POM121C: variants seen among roughly 807,000 people sequenced by gnomAD.
The protein encoded by POM121C is nuclear envelope pore membrane protein POM 121C.
Under a neutral mutation model 66.4 loss-of-function variants are expected in POM121C, and 20 were observed. That is an observed-to-expected ratio of 0.30 (90% CI 0.21 to 0.44). POM121C has a LOEUF of 0.44. Ranked by LOEUF, POM121C falls within the 20% of genes least tolerant of loss-of-function variation. POM121C has a pLI of 1.00. For missense variants in POM121C, 580 were observed against 1,225.7 expected (o/e 0.47, Z 7.87); for synonymous variants, 286 against 528.0 (o/e 0.54, Z 6.28).
At chr7:75,467,531 C>CAAAAA (rs58341825) in intron 3 of POM121C, among the ~76,000 whole-genome samples, 4 of 65,346 alleles carry the variant, frequency 6.1e-5, no homozygotes, top group East Asian at 8.4e-4. Context: ...GATTCTGTCT[C>CAAAAA]AAAAAAAAAA....
At chr7:75,460,874 T>C (rs2116479557) in intron 3 of POM121C, among the ~76,000 whole-genome samples, 1 of 152,240 alleles carries the variant, frequency 6.6e-6, no homozygotes, top group African/African-American at 2.4e-5. Flanking sequence ...CCTTGGTTTA[T>C]TTGGCCCTCT....
intron 3 of POM121C, among the ~76,000 whole-genome samples, chr7:75,460,968 G>C (rs1428977013): frequency 6.6e-6 from 1 of 152,106 alleles, no homozygotes; most frequent in Non-Finnish European, 1.5e-5. Flanking sequence ...CCCATTTAAA[G>C]CCATCTATTT....
At chr7:75,478,961 A>C (rs1295018741) in intron 1 of POM121C, among the ~76,000 whole-genome samples, 9 of 147,552 alleles carry the variant, frequency 6.1e-5, no homozygotes, top group Non-Finnish European at 7.4e-5. Flanking sequence ...AAATTGTCCA[A>C]AACTAGTGAT....
chr7:75,468,453 G>C (rs1554478174), intron 3 of POM121C, among the ~76,000 whole-genome samples: 1 of 151,542 alleles, frequency 6.6e-6, no homozygotes, highest in African/African-American at 2.4e-5. Flanking sequence ...GAGTACCTGG[G>C]ATTACATGCG....
intron 3 of POM121C, chr7:75,442,035 A>T (rs1162584823): frequency 2.3e-5 from 25 of 1,104,974 alleles, no homozygotes; most frequent in Non-Finnish European, 2.9e-5. Flanking sequence ...GCAAAACCAC[A>T]CACAATTCCC....
At chr7:75,429,741 G>A (rs1554472126) in intron 7 of POM121C, among the ~76,000 whole-genome samples, 3 of 152,160 alleles carry the variant, frequency 2.0e-5, no homozygotes, top group Non-Finnish European at 4.4e-5. Flanking sequence ...GGTGGGACAT[G>A]GTGGTTCATG....
chr7:75,469,334 G>C (rs1349808691), intron 3 of POM121C, among the ~76,000 whole-genome samples: 1 of 152,154 alleles, frequency 6.6e-6, no homozygotes, highest in African/African-American at 2.4e-5. Flanking sequence ...CTGGGCTCAA[G>C]TGATCCTCCT....
At chr7:75,465,775 C>T (rs1484594277) in intron 3 of POM121C, among the ~76,000 whole-genome samples, 4 of 149,762 alleles carry the variant, frequency 2.7e-5, no homozygotes, top group African/African-American at 9.8e-5. Flanking sequence ...AAAAATTAGC[C>T]TGAGTCCTAG....
intron 11 of POM121C, 47 bp downstream of exon 11, chr7:75,424,479 A>G: frequency 6.3e-7 from 1 of 1,592,624 alleles, no homozygotes; most frequent in Non-Finnish European, 8.6e-7. Flanking sequence ...ACCAAAGAAA[A>G]CAGACACCTG....
At chr7:75,461,854 A>G (rs1290365870) in intron 3 of POM121C, among the ~76,000 whole-genome samples, 3 of 151,832 alleles carry the variant, frequency 2.0e-5, no homozygotes, top group Admixed American at 2.0e-4. Flanking sequence ...TAAATAATTC[A>G]TGGGTCAAAG....
At chr7:75,443,344 C>T (rs1268228873) in intron 3 of POM121C, among the ~76,000 whole-genome samples, 15 of 150,900 alleles carry the variant, frequency 9.9e-5, no homozygotes, top group Admixed American at 9.2e-4. Flanking sequence ...TAGGCTTTCT[C>T]GTAGCAGCAT....
intron 7 of POM121C, among the ~76,000 whole-genome samples, chr7:75,435,267 T>C (rs1790359856): frequency 6.6e-6 from 1 of 152,198 alleles, no homozygotes; most frequent in Non-Finnish European, 1.5e-5. Flanking sequence ...CTGTCTATTA[T>C]GTGAAAAAGC....
chr7:75,458,578 G>T (rs7790883), intron 3 of POM121C, among the ~76,000 whole-genome samples: 9,652 of 151,224 alleles, frequency 0.064, 69 homozygotes, highest in African/African-American at 0.22. Flanking sequence ...GCACAAAGGT[G>T]GGGGAGGCCA....
At chr7:75,460,399 G>C (rs1387817448) in intron 3 of POM121C, among the ~76,000 whole-genome samples, 1 of 151,990 alleles carries the variant, frequency 6.6e-6, no homozygotes, top group African/African-American at 2.4e-5. Context: ...CTACTCGGGA[G>C]GCTGAGGTGA....
chr7:75,457,826 A>T (rs1791291901), intron 3 of POM121C, among the ~76,000 whole-genome samples: 1 of 152,262 alleles, frequency 6.6e-6, no homozygotes, highest in Non-Finnish European at 1.5e-5. Context: ...CATTTCTGTT[A>T]CATTCGGATT....
At chr7:75,432,627 C>T (rs1790227030) in intron 7 of POM121C, among the ~76,000 whole-genome samples, 1 of 152,116 alleles carries the variant, frequency 6.6e-6, no homozygotes, top group South Asian at 2.1e-4. Flanking sequence ...ATTTGTTTTT[C>T]TGTGTATTAT....
Position 75,485,893 on chromosome 7 carries a change from C to T in POM121C, c.-487G>A, listed in dbSNP as rs1419577713. On this transcript the variant is annotated 5_prime_UTR_variant, in exon 1 of 15. It adds an upstream start codon to the 5' untranslated region. Coordinates refer to ENST00000615331, the MANE Select transcript of POM121C (RefSeq NM_001099415.3). ...CTGGGGCTCCGCAGCCTCTGCCCCA[C>T]GGCTCCCGAGAGGCCGGGGCGGGCT... 6.0e-6 allele frequency: 3 copies of T among 503,532 alleles called. No individual in the cohort carries two copies. Among genetic ancestry groups the T allele is most frequent in the Non-Finnish European group, 1.2e-5 (3 of 255,378 alleles). The allele number at this position is 503,532 out of a possible 1,614,324, so 31.2% of individuals were successfully genotyped here.
intron 3 of POM121C, among the ~76,000 whole-genome samples, chr7:75,472,042 C>T (rs1195614967): frequency 1.3e-5 from 2 of 151,872 alleles, no homozygotes; most frequent in Non-Finnish European, 2.9e-5. Context: ...CCCACCACCA[C>T]GCCCGGCTAA....
chr7:75,432,771 C>G (rs1790234723), intron 7 of POM121C, among the ~76,000 whole-genome samples: 1 of 152,132 alleles, frequency 6.6e-6, no homozygotes, highest in Non-Finnish European at 1.5e-5. Flanking sequence ...CTATGTAGAA[C>G]AGTCAAAAAA....
Sources: allele counts gnomAD v4.1 joint callset (sites outside exome capture counted in the v4.1 genomes callset), GRCh38; gene constraint gnomAD v4.1.1; transcripts MANE v1.5; gene names NCBI Gene and HGNC (gene_info 2026-07-23, HGNC 2026-07-21).